Variants in GALNT13 observed in about 807,000 individuals in gnomAD.
The protein encoded by GALNT13 is UDP-GalNAc:polypeptide N-acetylgalactosaminyltransferase 13.
GALNT13 carries 28 observed loss-of-function variants against 64.2 expected under a neutral mutation model. That is an observed-to-expected ratio of 0.44 (90% confidence interval 0.32 to 0.60). GALNT13 has a LOEUF of 0.60. Ranked by LOEUF, GALNT13 falls within the 20% of genes least tolerant of loss-of-function variation. The probability of loss-of-function intolerance (pLI) is 0.05; values close to 1 mark genes in which losing one functional copy is unlikely to be tolerated. For missense variants in GALNT13, 577 were observed against 669.8 expected (o/e 0.86, Z 1.53); for synonymous variants, 214 against 224.6 (o/e 0.95, Z 0.42).
chr2:154,405,465 G>A (rs1417876297), intron 10 of GALNT13, among the ~76,000 whole-genome samples: 1 of 151,856 alleles, frequency 6.6e-6, no homozygotes, highest in Non-Finnish European at 1.5e-5. Flanking sequence ...AATAACTATA[G>A]GCAGGGTGCA....
chr2:154,341,085 ATC>A (rs1574118179), intron 9 of GALNT13, among the ~76,000 whole-genome samples: 1 of 152,290 alleles, frequency 6.6e-6, no homozygotes, highest in East Asian at 1.9e-4. Context: ...AAAGTAACAT[ATC>A]AAGGGCTAGA....
the GALNT13 span, among the ~76,000 whole-genome samples, chr2:153,155,060 C>T: frequency 6.6e-6 from 1 of 152,202 alleles, no homozygotes; most frequent in Non-Finnish European, 1.5e-5. Flanking sequence ...ACCAACCTTG[C>T]ATCCTGTGGA....
chr2:154,374,107 T>C (rs719461), intron 9 of GALNT13, among the ~76,000 whole-genome samples: 92,269 of 152,082 alleles, frequency 0.61, 28,692 homozygotes, highest in Admixed American at 0.67. Context: ...TTCTTCACTC[T>C]TGTGCAGTAT....
chr2:154,091,941 C>T (rs970287964), intron 3 of GALNT13, among the ~76,000 whole-genome samples: 3 of 151,620 alleles, frequency 2.0e-5, no homozygotes, highest in East Asian at 3.9e-4. Flanking sequence ...TTAAACTAAT[C>T]GGATATTTTA....
At chr2:154,256,391 T>C (rs1448260088) in intron 7 of GALNT13, among the ~76,000 whole-genome samples, 1 of 152,142 alleles carries the variant, frequency 6.6e-6, no homozygotes, top group African/African-American at 2.4e-5. Flanking sequence ...TTCCTGAAAG[T>C]TGTTATTAAT....
At chr2:153,220,000 C>T in the GALNT13 span, among the ~76,000 whole-genome samples, 1 of 152,202 alleles carries the variant, frequency 6.6e-6, no homozygotes, top group Non-Finnish European at 1.5e-5. Context: ...TCACTTACTC[C>T]CCTTCATCCT....
Position 153,909,106 on chromosome 2 carries a change from G to C in GALNT13, c.-105+8099G>C, listed in dbSNP as rs149221886. On this transcript the variant is annotated intron_variant, in intron 2 of 12. Transcript: ENST00000392825. ...GCAGTGTTTTGTGATTCTCATTGTA[G>C]AGATCTTTCACCTCCCTGGTTAACT... Among the ~76,000 whole-genome samples the C allele has an allele frequency of 2.5e-3, 384 of 152,046 alleles. 4 individuals are homozygous for C. The highest frequency in any genetic ancestry group is 8.4e-3 in the African/African-American group (350 of 41,488).
chr2:153,217,367 G>A, the GALNT13 span, among the ~76,000 whole-genome samples: 1 of 151,986 alleles, frequency 6.6e-6, no homozygotes, highest in Non-Finnish European at 1.5e-5. Context: ...GGTTTGTTGT[G>A]TGTCATTAAT....
intron 3 of GALNT13, among the ~76,000 whole-genome samples, chr2:154,025,262 C>T (rs562179870): frequency 1.3e-5 from 2 of 152,308 alleles, no homozygotes; most frequent in East Asian, 1.9e-4. Context: ...GCGTCACTCA[C>T]GCTGGGTGCT....
At chr2:153,568,302 G>T in the GALNT13 span, among the ~76,000 whole-genome samples, 1 of 152,074 alleles carries the variant, frequency 6.6e-6, no homozygotes, top group Non-Finnish European at 1.5e-5. Context: ...GCTGCAGCCT[G>T]GACCTGCTGG....
At chr2:153,411,785 T>C in the GALNT13 span, among the ~76,000 whole-genome samples, 1 of 152,184 alleles carries the variant, frequency 6.6e-6, no homozygotes, top group African/African-American at 2.4e-5. Flanking sequence ...CTTTTGCCTC[T>C]CCAAAACCAA....
chr2:153,811,688 T>C, the GALNT13 span, among the ~76,000 whole-genome samples: 2 of 152,328 alleles, frequency 1.3e-5, no homozygotes, highest in African/African-American at 4.8e-5. Context: ...GCTTCCACCC[T>C]TGTGGCTCCT....
At chr2:154,267,717 G>GA (rs983781218) in intron 8 of GALNT13, among the ~76,000 whole-genome samples, 7 of 151,760 alleles carry the variant, frequency 4.6e-5, no homozygotes, top group African/African-American at 1.4e-4. Context: ...GGCACTGACA[G>GA]AAAAAAAGAA....
the GALNT13 span, among the ~76,000 whole-genome samples, chr2:153,669,283 A>G: frequency 1.3e-5 from 2 of 152,144 alleles, no homozygotes; most frequent in Non-Finnish European, 2.9e-5. Flanking sequence ...GTACATGTGC[A>G]CATGTGAAAC....
Position 154,102,679 on chromosome 2 carries a change from T to C in GALNT13, c.143-37658T>C, listed in dbSNP as rs563750915. Among the ~76,000 whole-genome samples the C allele has an allele frequency of 7.9e-5, 12 of 152,138 alleles. No homozygotes were observed. The South Asian group carries it at 2.5e-3, about 32-fold the overall frequency. On this transcript the variant is annotated intron_variant, in intron 3 of 12. Transcript: ENST00000392825. ...GTGTTCCCCAAAGAACTATTAAAAT[T>C]AAAAAAGACTAAATATTGATTTAAC... is the stretch of plus-strand genomic sequence containing the variant.
chr2:153,758,473 G>T, the GALNT13 span, among the ~76,000 whole-genome samples: 1 of 151,916 alleles, frequency 6.6e-6, no homozygotes, highest in African/African-American at 2.4e-5. Context: ...TTGGAAATTT[G>T]TACTTTTTTG....
At chr2:154,340,675 C>A (rs1341598219) in intron 9 of GALNT13, among the ~76,000 whole-genome samples, 1 of 152,028 alleles carries the variant, frequency 6.6e-6, no homozygotes, top group Non-Finnish European at 1.5e-5. Context: ...ACATTAAATT[C>A]ATATGACAAA....
At chr2:153,512,227 A>C in the GALNT13 span, among the ~76,000 whole-genome samples, 1 of 152,164 alleles carries the variant, frequency 6.6e-6, no homozygotes, top group African/African-American at 2.4e-5. Flanking sequence ...ATGACCCTAG[A>C]GTTTGTAGTT....
the GALNT13 span, among the ~76,000 whole-genome samples, chr2:153,784,560 C>T: frequency 6.6e-6 from 1 of 152,172 alleles, no homozygotes; most frequent in Non-Finnish European, 1.5e-5. Flanking sequence ...CCTTAATTTT[C>T]CTAAGTCTTA....
Sources: gnomAD v4.1 joint callset for allele counts (sites outside exome capture counted in the v4.1 genomes callset) on GRCh38, gnomAD v4.1.1 for gene constraint, MANE v1.5 for transcripts, NCBI Gene and HGNC (gene_info 2026-07-23, HGNC 2026-07-21) for gene names.